Variants in WDFY2 observed in about 807,000 individuals in gnomAD.
WDFY2 encodes WD repeat and FYVE domain-containing protein 2.
A neutral mutation model predicts 56.4 loss-of-function variants in WDFY2; 36 were observed. The ratio of observed to expected loss-of-function variants is 0.64; its 90% CI spans 0.49 to 0.84. WDFY2 has a LOEUF of 0.84. WDFY2 is among the 40% of genes least tolerant of loss of function. WDFY2 has a pLI of 0.00. For missense variants in WDFY2, 444 were observed against 512.2 expected (o/e 0.87, Z 1.29); for synonymous variants, 176 against 183.7 (o/e 0.96, Z 0.34).
rs1337683430 is a variant in WDFY2, at chr13:51,653,051, G to A, written c.138-7545G>A. Among the ~76,000 whole-genome samples, 7 of 152,262 alleles carry A rather than the reference G, an allele frequency of 4.6e-5. No homozygotes were observed. In the South Asian group the frequency reaches 8.3e-4, roughly 18 times the overall value. On this transcript the variant is annotated intron_variant, in intron 1 of 11. Transcript: ENST00000298125. ...TCACTTTCAGGTACACCAATCAGAC[G>A]TAGATTTGGTCTTTTCACATAGTCC...
intron 5 of WDFY2, among the ~76,000 whole-genome samples, chr13:51,726,831 G>A (rs1036053179): frequency 2.6e-5 from 4 of 152,020 alleles, no homozygotes; most frequent in African/African-American, 9.7e-5. Context: ...TTTCTATTAG[G>A]TTTGGGATCC....
intron 1 of WDFY2, among the ~76,000 whole-genome samples, chr13:51,609,322 A>T (rs186171330): frequency 6.2e-4 from 94 of 152,304 alleles, no homozygotes; most frequent in Admixed American, 2.1e-3. Context: ...ATAGAACTCT[A>T]ACAAACTTGG....
At chr13:51,661,588 A>T (rs1193836275) in intron 2 of WDFY2, among the ~76,000 whole-genome samples, 3 of 152,200 alleles carry the variant, frequency 2.0e-5, no homozygotes, top group Non-Finnish European at 4.4e-5. Flanking sequence ...GATTTGCTTA[A>T]AATTCTGCTT....
chr13:51,737,548 A>AT lies in WDFY2; in HGVS notation c.599-1498dup, dbSNP rs1192568216. On this transcript the variant is annotated intron_variant, in intron 6 of 11. Transcript: ENST00000298125. ...ATTCTACTGGGGCAGGAGACAATGA[A>AT]TTTAAAAAAAAAAAAAAAAAAAAAA... 4.4e-5 allele frequency among the ~76,000 whole-genome samples: 5 copies of AT among 114,528 alleles called. No individual in the cohort carries two copies. In the East Asian group the frequency reaches 1.4e-3, roughly 32 times the overall value. 75.1% of individuals were successfully genotyped at this position (114,528 alleles called of 152,430 possible).
At chr13:51,743,058 G>T (rs1168147094) in intron 7 of WDFY2, among the ~76,000 whole-genome samples, 2 of 152,222 alleles carry the variant, frequency 1.3e-5, no homozygotes, top group Non-Finnish European at 2.9e-5. Flanking sequence ...GAGGACAGGT[G>T]GACAAGGATC....
chr13:51,617,938 G>A (rs1023064352), intron 1 of WDFY2, among the ~76,000 whole-genome samples: 4 of 152,090 alleles, frequency 2.6e-5, no homozygotes, highest in Admixed American at 1.3e-4. Context: ...CTGCCCATTT[G>A]TTTCTATTTA....
At chr13:51,672,005 A>T (rs1337443135) in intron 2 of WDFY2, among the ~76,000 whole-genome samples, 1 of 151,876 alleles carries the variant, frequency 6.6e-6, no homozygotes, top group Non-Finnish European at 1.5e-5. Context: ...GCTGGTCTCA[A>T]TCTCCTGACC....
intron 4 of WDFY2, among the ~76,000 whole-genome samples, chr13:51,714,321 C>T (rs1952295508): frequency 6.6e-6 from 1 of 151,452 alleles, no homozygotes; most frequent in South Asian, 2.1e-4. Flanking sequence ...TAGAGAGTTT[C>T]GTTCTTGTCG....
intron 7 of WDFY2, among the ~76,000 whole-genome samples, chr13:51,745,738 TAAA>T (rs34880965): frequency 1.1e-3 from 99 of 86,338 alleles, no homozygotes; most frequent in Middle Eastern, 6.6e-3. Flanking sequence ...ATCCTTCATT[TAAA>T]AAAAAAAAAA....
At chr13:51,754,162 T>C (rs75215217) in intron 8 of WDFY2, among the ~76,000 whole-genome samples, 1 of 152,056 alleles carries the variant, frequency 6.6e-6, no homozygotes, top group African/African-American at 2.4e-5. Context: ...ACTTTTGCCA[T>C]TGAACCCTTT....
intron 3 of WDFY2, among the ~76,000 whole-genome samples, chr13:51,696,635 A>G (rs1593424598): frequency 6.6e-6 from 1 of 152,244 alleles, no homozygotes; most frequent in Non-Finnish European, 1.5e-5. Context: ...CTTTTAAGAA[A>G]AAGATCGATT....
At chr13:51,632,628 A>G (rs1593907116) in intron 1 of WDFY2, among the ~76,000 whole-genome samples, 1 of 152,240 alleles carries the variant, frequency 6.6e-6, no homozygotes, top group South Asian at 2.1e-4. Flanking sequence ...GCTATGTCCT[A>G]TTGCTCCTTT....
intron 1 of WDFY2, among the ~76,000 whole-genome samples, chr13:51,597,306 A>G (rs1313069547): frequency 2.6e-5 from 4 of 152,234 alleles, no homozygotes; most frequent in Admixed American, 6.5e-5. Context: ...GTCTTTGGCT[A>G]TAATTGAAGT....
At position 51,767,045 on chromosome 13, in the gene WDFY2, T is replaced by C. The variant is rs9526795; in HGVS notation, c.*7276T>C. The C allele has an allele frequency of 0.27, 41,180 of 152,234 alleles. 5,695 individuals carry two copies. Among genetic ancestry groups the C allele is most frequent in the South Asian group, 0.36 (1,738 of 4,830 alleles). The allele number at this position is 152,234 out of a possible 1,614,324, so 9.4% of individuals were successfully genotyped here. A position where few individuals can be genotyped will look rare whatever the true frequency, so the allele number is the denominator to read the frequency against. On this transcript the variant is annotated 3_prime_UTR_variant, in exon 12 of 12. Transcript: ENST00000298125. ...CTTCATCATGTAAGTCAGCTTTTTC[T>C]TGTGCTTAGTAAACTTTTCCAGTGA...
At chr13:51,738,424 G>T (rs1192338153) in intron 6 of WDFY2, among the ~76,000 whole-genome samples, 1 of 152,210 alleles carries the variant, frequency 6.6e-6, no homozygotes, top group Non-Finnish European at 1.5e-5. Context: ...ACAACCGTAT[G>T]AAGTAGGTAA....
At chr13:51,648,331 T>G (rs1955299367) in intron 1 of WDFY2, among the ~76,000 whole-genome samples, 1 of 152,202 alleles carries the variant, frequency 6.6e-6, no homozygotes, top group African/African-American at 2.4e-5. Flanking sequence ...TCTGTCCAGG[T>G]GCAGTCAGAG....
intron 5 of WDFY2, among the ~76,000 whole-genome samples, chr13:51,721,745 G>C (rs1404662576): frequency 6.6e-6 from 1 of 152,108 alleles, no homozygotes; most frequent in African/African-American, 2.4e-5. Context: ...TGCCAACTAT[G>C]ATTTTGGAGC....
chr13:51,623,768 G>C (rs1169758872), intron 1 of WDFY2, among the ~76,000 whole-genome samples: 1 of 151,040 alleles, frequency 6.6e-6, no homozygotes, highest in Non-Finnish European at 1.5e-5. Flanking sequence ...AGAAATTTTG[G>C]TTATTCTGTG....
At chr13:51,662,906 C>T (rs1439836276) in intron 2 of WDFY2, among the ~76,000 whole-genome samples, 1 of 152,162 alleles carries the variant, frequency 6.6e-6, no homozygotes, top group Non-Finnish European at 1.5e-5. Context: ...AAAATGTGGT[C>T]TGTGGGCCAG....
Sources: allele counts gnomAD v4.1 joint callset (sites outside exome capture counted in the v4.1 genomes callset), GRCh38; gene constraint gnomAD v4.1.1; transcripts MANE v1.5; gene names NCBI Gene and HGNC (gene_info 2026-07-23, HGNC 2026-07-21).